Variants in PPM1E observed in about 807,000 individuals in gnomAD.
PPM1E encodes protein phosphatase, Mg2+/Mn2+ dependent 1E, also known as protein phosphatase 1E.
A neutral mutation model predicts 65.9 loss-of-function variants in PPM1E; 20 were observed. That is an observed-to-expected ratio of 0.30 (90% CI 0.21 to 0.44). PPM1E has a LOEUF of 0.44. Among genes scored for constraint, PPM1E ranks in the 20% least tolerant of loss-of-function variants. The probability of loss-of-function intolerance (pLI) is 1.00; values close to 1 mark genes in which losing one functional copy is unlikely to be tolerated. For missense variants in PPM1E, 713 were observed against 953.1 expected (o/e 0.75, Z 3.32); for synonymous variants, 352 against 374.9 (o/e 0.94, Z 0.70).
intron 1 of PPM1E, among the ~76,000 whole-genome samples, chr17:58,886,288 T>C (rs1050165981): frequency 6.6e-6 from 1 of 152,224 alleles, no homozygotes; most frequent in Non-Finnish European, 1.5e-5. Flanking sequence ...TTTAAAATAT[T>C]ATTGCATTTA....
chr17:58,854,815 C>T (rs572833204), intron 1 of PPM1E, among the ~76,000 whole-genome samples: 1 of 152,076 alleles, frequency 6.6e-6, no homozygotes, highest in African/African-American at 2.4e-5. Context: ...TATTTTGTCT[C>T]ATGGTCATGA....
At chr17:58,819,473 A>G (rs4482353) in intron 1 of PPM1E, among the ~76,000 whole-genome samples, 96,781 of 152,002 alleles carry the variant, frequency 0.64, 31,192 homozygotes, top group African/African-American at 0.71. Context: ...TTCTAATTAC[A>G]TTTTTTGTTT....
chr17:58,763,196 A>G (rs1307399381), intron 1 of PPM1E, among the ~76,000 whole-genome samples: 2 of 152,002 alleles, frequency 1.3e-5, no homozygotes, highest in African/African-American at 2.4e-5. Flanking sequence ...TTCAGTGGAG[A>G]AGGAGGAGCT....
intron 1 of PPM1E, among the ~76,000 whole-genome samples, chr17:58,797,140 G>A (rs867974283): frequency 3.2e-4 from 49 of 151,914 alleles, no homozygotes; most frequent in African/African-American, 1.1e-3. Flanking sequence ...TGCAAAGTTT[G>A]CCCCTAAAAA....
At chr17:58,936,018 T>C (rs1488497421) in intron 1 of PPM1E, among the ~76,000 whole-genome samples, 1 of 149,590 alleles carries the variant, frequency 6.7e-6, no homozygotes, top group East Asian at 2.0e-4. Context: ...TCCCTGGGAA[T>C]GAGATTTCTG....
chr17:58,788,095 AGCTGGAGT>A (rs2050120346), intron 1 of PPM1E, among the ~76,000 whole-genome samples: 2 of 151,872 alleles, frequency 1.3e-5, no homozygotes, highest in Admixed American at 1.3e-4. Context: ...CTGTCGCCCA[AGCTGGAGT>A]GCAGTAGCCC....
At chr17:58,870,648 G>A (rs2051059017) in intron 1 of PPM1E, among the ~76,000 whole-genome samples, 2 of 152,146 alleles carry the variant, frequency 1.3e-5, no homozygotes, top group Admixed American at 1.3e-4. Flanking sequence ...TGAGTATGCA[G>A]AGAAACTAGT....
intron 1 of PPM1E, among the ~76,000 whole-genome samples, chr17:58,920,783 G>T (rs1296331113): frequency 6.6e-6 from 1 of 152,092 alleles, no homozygotes; most frequent in Non-Finnish European, 1.5e-5. Context: ...TACAATGGGA[G>T]TCATCAGCAT....
intron 1 of PPM1E, among the ~76,000 whole-genome samples, chr17:58,900,416 C>T (rs1315184499): frequency 2.0e-5 from 3 of 152,150 alleles, no homozygotes; most frequent in African/African-American, 7.2e-5. Flanking sequence ...GACCTTCCAC[C>T]AGCAAAAAGC....
intron 1 of PPM1E, among the ~76,000 whole-genome samples, chr17:58,880,623 T>G (rs911412488): frequency 3.3e-5 from 5 of 151,970 alleles, no homozygotes; most frequent in African/African-American, 1.2e-4. Flanking sequence ...TTTGTTTGTT[T>G]GTTTGTTTGT....
chr17:58,928,289 C>G (rs1394977419), intron 1 of PPM1E, among the ~76,000 whole-genome samples: 1 of 152,018 alleles, frequency 6.6e-6, no homozygotes, highest in Non-Finnish European at 1.5e-5. Context: ...ACAAAAAAGC[C>G]TCTCACTATG....
chr17:58,809,550 A>G (rs2050346064), intron 1 of PPM1E, among the ~76,000 whole-genome samples: 1 of 151,978 alleles, frequency 6.6e-6, no homozygotes, highest in African/African-American at 2.4e-5. Context: ...GGCTGGGCTA[A>G]TTTTTGTTTA....
intron 6 of PPM1E, among the ~76,000 whole-genome samples, chr17:58,974,177 G>A (rs1204991349): frequency 6.6e-6 from 1 of 152,008 alleles, no homozygotes; most frequent in African/African-American, 2.4e-5. Context: ...TGCATTTTGG[G>A]TCAAATCAGT....
intron 1 of PPM1E, among the ~76,000 whole-genome samples, chr17:58,883,122 A>G (rs1371533057): frequency 3.3e-5 from 5 of 150,868 alleles, no homozygotes; most frequent in African/African-American, 9.7e-5. Flanking sequence ...CGCCCAGCTA[A>G]TTTTTTTGTG....
In PPM1E at chr17:58,983,214, C is replaced by G; in HGVS notation, c.*2183C>G. 3.4e-6 allele frequency: 1 copy of G among 291,598 alleles called. No individual in the cohort carries two copies. Among genetic ancestry groups the G allele is most frequent in the Non-Finnish European group, 6.4e-6 (1 of 156,842 alleles). The allele number at this position is 291,598 out of a possible 1,614,324, so 18.1% of individuals were successfully genotyped here. ...ACTCATTTCTCATGCCATTAGCTCT[C>G]TACAAAATAAAGCAAAGTAGTTCTA... On this transcript the variant is annotated 3_prime_UTR_variant, in exon 7 of 7. Coordinates refer to ENST00000308249, the MANE Select transcript of PPM1E (RefSeq NM_014906.5).
intron 1 of PPM1E, among the ~76,000 whole-genome samples, chr17:58,901,977 A>AAAAT (rs200810319): frequency 1.1e-4 from 16 of 152,196 alleles, no homozygotes; most frequent in Admixed American, 2.0e-4. Context: ...ACTCCTCTCA[A>AAAAT]AAATAAATAA....
rs1233473853 is a variant in PPM1E at position 58,874,802 on chromosome 17, G to C, written c.465-80847G>C. Among the ~76,000 whole-genome samples the C allele has an allele frequency of 2.0e-5, 3 of 152,084 alleles. No individual in the cohort carries two copies. In the East Asian group the frequency reaches 5.8e-4, roughly 29 times the overall value. ...CCTCACATTGCAATTTTCTATAGAG[G>C]AAATTTGTTGGCTGTGATGAATATT... is the stretch of plus-strand genomic sequence containing the variant. On this transcript the variant is annotated intron_variant, in intron 1 of 6. Coordinates refer to ENST00000308249, the MANE Select transcript of PPM1E (RefSeq NM_014906.5).
intron 1 of PPM1E, among the ~76,000 whole-genome samples, chr17:58,921,769 G>A (rs1485642868): frequency 2.0e-5 from 3 of 149,944 alleles, no homozygotes; most frequent in East Asian, 2.0e-4. Context: ...GGCCGGGCAC[G>A]GTGGTTCATG....
chr17:58,773,432 C>T (rs1329588081), intron 1 of PPM1E, among the ~76,000 whole-genome samples: 2 of 152,126 alleles, frequency 1.3e-5, no homozygotes, highest in Non-Finnish European at 1.5e-5. Flanking sequence ...AAGAGACAGG[C>T]TTCAACACTC....
Sources: allele counts gnomAD v4.1 joint callset (sites outside exome capture counted in the v4.1 genomes callset), GRCh38; gene constraint gnomAD v4.1.1; transcripts MANE v1.5; gene names NCBI Gene and HGNC (gene_info 2026-07-23, HGNC 2026-07-21).